ABTB3: variants seen among roughly 807,000 people sequenced by gnomAD.
ABTB3 encodes the protein ankyrin repeat and BTB domain containing 3.
At chr12:107,470,010 T>TTCTCTC in the ABTB3 span, among the ~76,000 whole-genome samples, 7 of 57,156 alleles carry the variant, frequency 1.2e-4, no homozygotes, top group African/African-American at 4.0e-4. Flanking sequence ...CTTTCTTTCT[T>TTCTCTC]TCTCTCTCTC....
the ABTB3 span, among the ~76,000 whole-genome samples, chr12:107,339,755 G>T: frequency 6.6e-6 from 1 of 151,938 alleles, no homozygotes; most frequent in African/African-American, 2.4e-5. Flanking sequence ...ATCAGAAATT[G>T]GACGCCTGCC....
chr12:107,348,036 T>G, the ABTB3 span, among the ~76,000 whole-genome samples: 1 of 151,774 alleles, frequency 6.6e-6, no homozygotes, highest in Middle Eastern at 3.4e-3. Flanking sequence ...GAAAGATGGG[T>G]TTTGAAAGAT....
the ABTB3 span, among the ~76,000 whole-genome samples, chr12:107,490,919 T>C: frequency 6.6e-6 from 1 of 152,070 alleles, no homozygotes; most frequent in African/African-American, 2.4e-5. Flanking sequence ...GCCCCTTCCG[T>C]AGATGAGAAA....
the ABTB3 span, among the ~76,000 whole-genome samples, chr12:107,338,576 C>CTGAAGACTAA: frequency 6.6e-6 from 1 of 152,192 alleles, no homozygotes; most frequent in African/African-American, 2.4e-5. Flanking sequence ...GAAGTCTCAT[C>CTGAAGACTAA]TGAAGACTAA....
the ABTB3 span, among the ~76,000 whole-genome samples, chr12:107,511,676 C>G: frequency 2.0e-5 from 3 of 152,150 alleles, no homozygotes; most frequent in Non-Finnish European, 4.4e-5. Flanking sequence ...CAAAGCAAGT[C>G]ACAGGCTGGC....
the ABTB3 span, among the ~76,000 whole-genome samples, chr12:107,375,881 C>T: frequency 1.3e-5 from 2 of 152,160 alleles, no homozygotes; most frequent in East Asian, 1.9e-4. Context: ...CCTTGGGAGT[C>T]GAATCCAGGG....
At chr12:107,599,325 C>A in the ABTB3 span, among the ~76,000 whole-genome samples, 3 of 152,216 alleles carry the variant, frequency 2.0e-5, no homozygotes, top group Non-Finnish European at 4.4e-5. Flanking sequence ...GTACTGTTCT[C>A]CCCATTTAAT....
At chr12:107,348,607 C>A in the ABTB3 span, among the ~76,000 whole-genome samples, 1 of 152,140 alleles carries the variant, frequency 6.6e-6, no homozygotes, top group Non-Finnish European at 1.5e-5. Flanking sequence ...CCCCTGTAGT[C>A]CCAGCTACTC....
At chr12:107,452,247 C>T in the ABTB3 span, among the ~76,000 whole-genome samples, 59 of 131,134 alleles carry the variant, frequency 4.5e-4, no homozygotes, top group African/African-American at 1.3e-3. Flanking sequence ...CTCACTCTGT[C>T]GCCCAGGCTG....
the ABTB3 span, among the ~76,000 whole-genome samples, chr12:107,320,253 G>C: frequency 6.6e-6 from 1 of 152,202 alleles, no homozygotes; most frequent in Non-Finnish European, 1.5e-5. Context: ...TCCTGCACTC[G>C]GGTGCGCGTA....
the ABTB3 span, among the ~76,000 whole-genome samples, chr12:107,583,434 C>T: frequency 6.6e-6 from 1 of 152,214 alleles, no homozygotes; most frequent in Non-Finnish European, 1.5e-5. Flanking sequence ...CATTAGGTAA[C>T]TCTGCCAACA....
At chr12:107,600,922 G>C in the ABTB3 span, among the ~76,000 whole-genome samples, 5 of 152,206 alleles carry the variant, frequency 3.3e-5, no homozygotes, top group Non-Finnish European at 7.3e-5. Flanking sequence ...TTGGCAGCAA[G>C]GAAAGACCTG....
At chr12:107,552,895 A>G in the ABTB3 span, among the ~76,000 whole-genome samples, 7 of 152,180 alleles carry the variant, frequency 4.6e-5, no homozygotes, top group Admixed American at 2.0e-4. Flanking sequence ...TGCATAGCAT[A>G]TAGTAAGTGC....
chr12:107,414,697 C>G, the ABTB3 span, among the ~76,000 whole-genome samples: 2 of 151,162 alleles, frequency 1.3e-5, no homozygotes, highest in African/African-American at 4.9e-5. Context: ...TTTCACCATC[C>G]CCCCCTTTCT....
At chr12:107,533,750 G>A in the ABTB3 span, among the ~76,000 whole-genome samples, 2 of 152,084 alleles carry the variant, frequency 1.3e-5, no homozygotes, top group Non-Finnish European at 2.9e-5. Context: ...AAACATCAGA[G>A]TTAAACTGCA....
chr12:107,586,362 G>A, the ABTB3 span, among the ~76,000 whole-genome samples: 196 of 152,242 alleles, frequency 1.3e-3, no homozygotes, highest in Middle Eastern at 6.8e-3. Flanking sequence ...TGGGCCCAGC[G>A]TGTGGCTCTG....
At chr12:107,586,663 G>T in the ABTB3 span, among the ~76,000 whole-genome samples, 3 of 152,154 alleles carry the variant, frequency 2.0e-5, no homozygotes, top group African/African-American at 4.8e-5. Context: ...GTTGCTTTGG[G>T]GCTCAGCTGT....
the ABTB3 span, among the ~76,000 whole-genome samples, chr12:107,606,479 G>C: frequency 6.6e-6 from 1 of 152,164 alleles, no homozygotes; most frequent in Non-Finnish European, 1.5e-5. Flanking sequence ...CACAGGGTCT[G>C]TGTCTCCCAC....
chr12:107,418,836 T>C, the ABTB3 span, among the ~76,000 whole-genome samples: 1 of 152,196 alleles, frequency 6.6e-6, no homozygotes, highest in Non-Finnish European at 1.5e-5. Flanking sequence ...CAGTAAGACT[T>C]GCTTTAAAAT....
Sources: gnomAD v4.1 joint callset for allele counts (sites outside exome capture counted in the v4.1 genomes callset) on GRCh38, gnomAD v4.1.1 for gene constraint, MANE v1.5 for transcripts, NCBI Gene and HGNC (gene_info 2026-07-23, HGNC 2026-07-21) for gene names.